LUZP2: variants seen among roughly 807,000 people sequenced by gnomAD.
The protein encoded by LUZP2 is leucine zipper protein 2.
In LUZP2, 52 loss-of-function variants were observed where a neutral mutation model predicts 51.6. The observed-to-expected ratio is 1.01, with a 90% CI of 0.81 to 1.27. The LOEUF (loss-of-function observed/expected upper bound fraction) is 1.27. Ranked by LOEUF, LUZP2 falls within the 50% of genes most tolerant of loss-of-function variation. LUZP2 has a pLI of 0.00. For missense variants in LUZP2, 436 were observed against 395.4 expected (o/e 1.10, Z -0.87); for synonymous variants, 154 against 137.3 (o/e 1.12, Z -0.85).
intron 1 of LUZP2, among the ~76,000 whole-genome samples, chr11:24,632,467 T>G (rs1304475316): frequency 6.6e-6 from 1 of 152,036 alleles, no homozygotes; most frequent in Non-Finnish European, 1.5e-5. Context: ...ATCATTACAA[T>G]CAGTGCACTG....
intron 10 of LUZP2, among the ~76,000 whole-genome samples, chr11:25,052,962 A>C (rs1858566449): frequency 6.6e-6 from 1 of 152,148 alleles, no homozygotes; most frequent in Admixed American, 6.5e-5. Context: ...GTCCTTAATA[A>C]AATTGATAGT....
intron 5 of LUZP2, among the ~76,000 whole-genome samples, chr11:24,884,161 A>G (rs1852589559): frequency 6.6e-6 from 1 of 152,064 alleles, no homozygotes; most frequent in South Asian, 2.1e-4. Flanking sequence ...AAGCTATTTT[A>G]TAAACCATAA....
At chr11:24,906,479 A>G (rs965965442) in intron 6 of LUZP2, among the ~76,000 whole-genome samples, 1 of 152,166 alleles carries the variant, frequency 6.6e-6, no homozygotes, top group Non-Finnish European at 1.5e-5. Flanking sequence ...TACAAAATCA[A>G]TACACTCATT....
chr11:24,640,164 C>A (rs1286925144), intron 1 of LUZP2, among the ~76,000 whole-genome samples: 5 of 151,744 alleles, frequency 3.3e-5, no homozygotes, highest in Non-Finnish European at 4.4e-5. Flanking sequence ...TAAGTGTAAA[C>A]CTCAAAGAGC....
chr11:24,898,423 G>A (rs1412312637), intron 5 of LUZP2, among the ~76,000 whole-genome samples: 1 of 152,186 alleles, frequency 6.6e-6, no homozygotes, highest in African/African-American at 2.4e-5. Flanking sequence ...AGGAGATCAA[G>A]ACCATCCTGA....
intron 8 of LUZP2, among the ~76,000 whole-genome samples, chr11:24,982,277 T>C (rs1470351364): frequency 6.6e-6 from 1 of 151,868 alleles, no homozygotes; most frequent in African/African-American, 2.4e-5. Flanking sequence ...AAGAGGAATA[T>C]ACATTTTTCT....
At chr11:24,897,463 C>A (rs553908770) in intron 5 of LUZP2, among the ~76,000 whole-genome samples, 1 of 152,236 alleles carries the variant, frequency 6.6e-6, no homozygotes, top group Admixed American at 6.5e-5. Context: ...AACCATGAAC[C>A]CACCGGGAGG....
chr11:24,960,417 T>A (rs1326715503), intron 7 of LUZP2, among the ~76,000 whole-genome samples: 1 of 152,156 alleles, frequency 6.6e-6, no homozygotes, highest in Non-Finnish European at 1.5e-5. Context: ...GATTATTGCC[T>A]CAATTTCAGC....
intron 8 of LUZP2, among the ~76,000 whole-genome samples, chr11:24,978,918 C>A (rs1855952187): frequency 6.6e-6 from 1 of 151,674 alleles, no homozygotes; most frequent in Non-Finnish European, 1.5e-5. Context: ...AATTCCACCT[C>A]CCAACCCCTG....
chr11:24,808,415 A>T (rs1210665324), intron 5 of LUZP2, among the ~76,000 whole-genome samples: 1 of 152,200 alleles, frequency 6.6e-6, no homozygotes, highest in African/African-American at 2.4e-5. Flanking sequence ...CCTTTCCTGT[A>T]GGTGTTATCT....
rs574598166 is a variant in LUZP2 at position 24,678,081 on chromosome 11, G to C, written c.63-51088G>C. Among the ~76,000 whole-genome samples the C allele has an allele frequency of 3.1e-4, 43 of 139,204 alleles. No individual in the cohort carries two copies. The East Asian group carries it at 8.8e-3, about 28-fold the overall frequency. The allele number at this position is 139,204 out of a possible 152,430, so 91.3% of individuals were successfully genotyped here. A position where few individuals can be genotyped will look rare whatever the true frequency, so the allele number is the denominator to read the frequency against. ...AAAAGGGAGGAAAGGAGAAAGGGGG[G>C]GGGGGGTGATTACTACGTAGCTATG... is the stretch of plus-strand genomic sequence containing the variant. On this transcript the variant is annotated intron_variant, in intron 1 of 11. Coordinates refer to ENST00000336930, the MANE Select transcript of LUZP2 (RefSeq NM_001009909.4).
At chr11:24,566,448 C>A (rs1212671341) in intron 1 of LUZP2, among the ~76,000 whole-genome samples, 2 of 149,098 alleles carry the variant, frequency 1.3e-5, no homozygotes, top group South Asian at 4.2e-4. Context: ...CCTGCCTCAG[C>A]CTCCCTAGTA....
At chr11:24,880,299 C>G (rs556534629) in intron 5 of LUZP2, among the ~76,000 whole-genome samples, 1 of 152,186 alleles carries the variant, frequency 6.6e-6, no homozygotes, top group African/African-American at 2.4e-5. Flanking sequence ...ACTCTCTCCA[C>G]GCCATGAGGC....
chr11:24,517,585 C>T (rs1039067677), intron 1 of LUZP2, among the ~76,000 whole-genome samples: 34 of 139,686 alleles, frequency 2.4e-4, no homozygotes, highest in South Asian at 7.1e-4. Flanking sequence ...TTTCATATAT[C>T]TAAATAATGA....
chr11:25,056,466 A>G (rs921365616), intron 10 of LUZP2, among the ~76,000 whole-genome samples: 3 of 152,102 alleles, frequency 2.0e-5, no homozygotes, highest in Admixed American at 1.3e-4. Flanking sequence ...GATAAGAAAG[A>G]TTATGCATTT....
Position 24,545,817 on chromosome 11 carries a change from A to G in LUZP2, c.62+48512A>G, listed in dbSNP as rs1353970911. On this transcript the variant is annotated intron_variant, in intron 1 of 11. Coordinates refer to ENST00000336930, the MANE Select transcript of LUZP2 (RefSeq NM_001009909.4). Reference sequence around the variant, plus strand: ...TTTTAAAATAGTTATTTCTAATTCTATGAAGAATGTCATTGGTAGTTTGAT... The same window carrying G: ...TTTTAAAATAGTTATTTCTAATTCTGTGAAGAATGTCATTGGTAGTTTGAT... Among the ~76,000 whole-genome samples the G allele has an allele frequency of 8.6e-5, 13 of 151,968 alleles. No individual in the cohort carries two copies. The East Asian group carries it at 1.9e-3, about 23-fold the overall frequency.
intron 1 of LUZP2, among the ~76,000 whole-genome samples, chr11:24,715,928 C>T (rs774546413): frequency 9.2e-5 from 14 of 151,930 alleles, no homozygotes; most frequent in South Asian, 2.1e-4. Context: ...CTAGGGTTGA[C>T]GACTATTTTC....
At chr11:24,530,197 A>C (rs1255166863) in intron 1 of LUZP2, among the ~76,000 whole-genome samples, 1 of 149,798 alleles carries the variant, frequency 6.7e-6, no homozygotes, top group Non-Finnish European at 1.5e-5. Context: ...TGCAATGTAC[A>C]TGATTATGAA....
chr11:24,805,702 C>T (rs1273456514), intron 5 of LUZP2, among the ~76,000 whole-genome samples: 2 of 152,066 alleles, frequency 1.3e-5, no homozygotes, highest in African/African-American at 4.8e-5. Flanking sequence ...TTTTCTAGCC[C>T]ATCGTTTTCT....
Sources: allele counts gnomAD v4.1 joint callset (sites outside exome capture counted in the v4.1 genomes callset), GRCh38; gene constraint gnomAD v4.1.1; transcripts MANE v1.5; gene names NCBI Gene and HGNC (gene_info 2026-07-23, HGNC 2026-07-21).